KCNH5: variants seen among roughly 807,000 people sequenced by gnomAD.
KCNH5 encodes the protein voltage-gated delayed rectifier potassium channel KCNH5.
A neutral mutation model predicts 96.1 loss-of-function variants in KCNH5; 46 were observed. That is an observed-to-expected ratio of 0.48 (90% CI 0.38 to 0.61). The LOEUF (loss-of-function observed/expected upper bound fraction) is 0.61. KCNH5 is among the 20% of genes least tolerant of loss of function. The pLI, the probability that KCNH5 is intolerant of heterozygous loss-of-function variation, is 0.00. For missense variants in KCNH5, 907 were observed against 1,225.8 expected (o/e 0.74, Z 3.88); for synonymous variants, 439 against 449.8 (o/e 0.98, Z 0.30).
At chr14:62,953,192 A>G (rs952313927) in intron 6 of KCNH5, among the ~76,000 whole-genome samples, 2 of 151,752 alleles carry the variant, frequency 1.3e-5, no homozygotes, top group Non-Finnish European at 2.9e-5. Flanking sequence ...ATATATACAC[A>G]TATATATCAA....
At chr14:62,781,547 G>C (rs1202216855) in intron 9 of KCNH5, among the ~76,000 whole-genome samples, 1 of 152,146 alleles carries the variant, frequency 6.6e-6, no homozygotes, top group African/African-American at 2.4e-5. Flanking sequence ...CCCGGCGGGG[G>C]GTGGGGGGCA....
intron 7 of KCNH5, among the ~76,000 whole-genome samples, chr14:62,913,250 G>A (rs189449397): frequency 4.6e-5 from 7 of 151,432 alleles, no homozygotes; most frequent in East Asian, 1.9e-4. Context: ...TTTTTGAGAC[G>A]GAGTTTTGCT....
chr14:62,945,603 G>C (rs1415384042), intron 7 of KCNH5, among the ~76,000 whole-genome samples: 1 of 152,112 alleles, frequency 6.6e-6, no homozygotes, highest in Non-Finnish European at 1.5e-5. Flanking sequence ...CCAAGTACAC[G>C]TGGGTTCGGA....
chr14:62,715,883 T>C (rs1022675173), intron 10 of KCNH5, among the ~76,000 whole-genome samples: 1 of 152,080 alleles, frequency 6.6e-6, no homozygotes, highest in Non-Finnish European at 1.5e-5. Context: ...GGAAGGAATA[T>C]CTTTTGGTTT....
chr14:62,995,319 A>G (rs1890886746), intron 4 of KCNH5, among the ~76,000 whole-genome samples: 2 of 152,132 alleles, frequency 1.3e-5, no homozygotes, highest in African/African-American at 2.4e-5. Context: ...TTGCCGGTGT[A>G]TAGATTCACT....
At chr14:63,018,914 T>A (rs917766593) in intron 1 of KCNH5, among the ~76,000 whole-genome samples, 4 of 151,780 alleles carry the variant, frequency 2.6e-5, no homozygotes, top group African/African-American at 4.8e-5. Context: ...AACACAGAAA[T>A]AATGCAATCT....
chr14:62,727,707 T>C (rs1884960376), intron 10 of KCNH5, among the ~76,000 whole-genome samples: 1 of 147,232 alleles, frequency 6.8e-6, no homozygotes, highest in East Asian at 2.0e-4. Context: ...GAGCCCCTAA[T>C]CACATGCAGG....
chr14:62,756,858 CATT>C (rs1291672477), intron 10 of KCNH5, among the ~76,000 whole-genome samples: 1 of 152,142 alleles, frequency 6.6e-6, no homozygotes, highest in Non-Finnish European at 1.5e-5. Context: ...TGAAAGAAAA[CATT>C]GTGGAAATTC....
chr14:62,954,348 C>T (rs1256063927), intron 6 of KCNH5, among the ~76,000 whole-genome samples: 1 of 152,176 alleles, frequency 6.6e-6, no homozygotes, highest in Non-Finnish European at 1.5e-5. Flanking sequence ...TCTATTATAA[C>T]AATTTTCACT....
Position 62,917,326 on chromosome 14 carries a change from G to A in KCNH5, c.1369+32807C>T, listed in dbSNP as rs80164956. On this transcript the variant is annotated intron_variant, in intron 7 of 10. Coordinates refer to ENST00000322893, the MANE Select transcript of KCNH5 (RefSeq NM_139318.5). ...CCTACTCAATTTATCTTTAAAGAGGGACATAAAAGGCAGAAATGGTTTGTT... is the reference window on the plus strand; with the variant it reads ...CCTACTCAATTTATCTTTAAAGAGGAACATAAAAGGCAGAAATGGTTTGTT... 8.3e-3 allele frequency among the ~76,000 whole-genome samples: 1,254 copies of A among 150,500 alleles called. 29 individuals carry two copies. In the East Asian group the frequency reaches 0.087, roughly 10 times the overall value.
intron 10 of KCNH5, among the ~76,000 whole-genome samples, chr14:62,742,069 G>A (rs1885282137): frequency 6.6e-6 from 1 of 152,058 alleles, no homozygotes; most frequent in African/African-American, 2.4e-5. Flanking sequence ...TCAAAGGCCT[G>A]GAAGGAGGAA....
At chr14:62,883,644 A>G (rs1241429430) in intron 7 of KCNH5, among the ~76,000 whole-genome samples, 1 of 152,148 alleles carries the variant, frequency 6.6e-6, no homozygotes, top group Non-Finnish European at 1.5e-5. Flanking sequence ...AGAATCTATC[A>G]ATAGTACTAA....
At chr14:62,936,382 A>G (rs1889680127) in intron 7 of KCNH5, among the ~76,000 whole-genome samples, 1 of 152,146 alleles carries the variant, frequency 6.6e-6, no homozygotes, top group African/African-American at 2.4e-5. Context: ...ATGCAGAAGA[A>G]AGAAAAACAA....
chr14:63,041,882 T>C (rs1891831054), intron 1 of KCNH5, among the ~76,000 whole-genome samples: 1 of 152,132 alleles, frequency 6.6e-6, no homozygotes, highest in South Asian at 2.1e-4. Flanking sequence ...GAGTACAGAA[T>C]ACAGTGCTGG....
chr14:62,907,121 C>G (rs552415494), intron 7 of KCNH5, among the ~76,000 whole-genome samples: 2 of 152,262 alleles, frequency 1.3e-5, no homozygotes, highest in African/African-American at 4.8e-5. Context: ...AGTCTTCTCT[C>G]CTTAATTCTT....
intron 7 of KCNH5, among the ~76,000 whole-genome samples, chr14:62,940,994 T>A (rs1365163399): frequency 6.6e-6 from 1 of 152,186 alleles, no homozygotes; most frequent in South Asian, 2.1e-4. Context: ...GAGGTGGACA[T>A]TGAGATGGGG....
At chr14:62,712,848 A>C in intron 10 of KCNH5, 1 of 670,312 alleles carries the variant, frequency 1.5e-6, no homozygotes, top group South Asian at 1.7e-5. Context: ...CAGTAGGCTT[A>C]AACACATGCT....
intron 6 of KCNH5, among the ~76,000 whole-genome samples, chr14:62,973,337 G>A (rs1026710253): frequency 2.0e-5 from 3 of 152,176 alleles, no homozygotes; most frequent in African/African-American, 7.2e-5. Context: ...GCTATGGTTT[G>A]ATTGGTTTGT....
chr14:62,896,159 G>C (rs1413236648), intron 7 of KCNH5, among the ~76,000 whole-genome samples: 1 of 152,154 alleles, frequency 6.6e-6, no homozygotes, highest in Non-Finnish European at 1.5e-5. Flanking sequence ...CAGTCTAAAA[G>C]GAAAAGAGCA....
Sources: allele counts gnomAD v4.1 joint callset (sites outside exome capture counted in the v4.1 genomes callset), GRCh38; gene constraint gnomAD v4.1.1; transcripts MANE v1.5; gene names NCBI Gene and HGNC (gene_info 2026-07-23, HGNC 2026-07-21).